Variants in CNTN3 observed in about 807,000 individuals in gnomAD.
CNTN3 encodes contactin-3.
A neutral mutation model predicts 119.1 loss-of-function variants in CNTN3; 60 were observed. The ratio of observed to expected loss-of-function variants is 0.50; its 90% CI spans 0.41 to 0.62. CNTN3 has a LOEUF of 0.62. Among genes scored for constraint, CNTN3 ranks in the 20% least tolerant of loss-of-function variants. CNTN3 has a pLI of 0.00. For synonymous variants in CNTN3, 450 were observed against 438.7 expected, an observed-to-expected ratio of 1.03 and a Z score of -0.32; for missense variants, 1,101 against 1,242.4, an observed-to-expected ratio of 0.89 and a Z score of 1.71.
chr3:74,468,915 T>C (rs983201311), intron 4 of CNTN3, among the ~76,000 whole-genome samples: 4 of 152,150 alleles, frequency 2.6e-5, no homozygotes, highest in African/African-American at 9.7e-5. Context: ...GTCATTTAGT[T>C]GTTAGTTTCA....
intron 5 of CNTN3, among the ~76,000 whole-genome samples, chr3:74,375,386 G>A (rs1326901417): frequency 6.6e-6 from 1 of 152,108 alleles, no homozygotes; most frequent in Non-Finnish European, 1.5e-5. Flanking sequence ...GAGAGTCTGG[G>A]CCTAATATTG....
At chr3:74,595,649 C>T (rs889986803) in intron 1 of CNTN3, among the ~76,000 whole-genome samples, 6 of 152,094 alleles carry the variant, frequency 3.9e-5, no homozygotes, top group Non-Finnish European at 7.4e-5. Flanking sequence ...ACCCTTCTTG[C>T]TAAAAACTCT....
chr3:74,519,788 T>C (rs1281131813), intron 2 of CNTN3, among the ~76,000 whole-genome samples: 1 of 151,734 alleles, frequency 6.6e-6, no homozygotes, highest in Non-Finnish European at 1.5e-5. Context: ...TCCTCAGTAC[T>C]TGATGAGTAG....
intron 1 of CNTN3, among the ~76,000 whole-genome samples, chr3:74,577,895 A>C (rs557741055): frequency 2.0e-5 from 3 of 152,126 alleles, no homozygotes; most frequent in Non-Finnish European, 4.4e-5. Flanking sequence ...CAAGCATTCC[A>C]TATGTATTTG....
At position 74,321,152 on chromosome 3, in the gene CNTN3, A is replaced by G. The variant is rs542288480; in HGVS notation, c.1668+13583T>C. 3.3e-5 allele frequency among the ~76,000 whole-genome samples: 5 copies of G among 152,288 alleles called. No individual in the cohort carries two copies. In the East Asian group the frequency reaches 7.7e-4, roughly 24 times the overall value. On this transcript the variant is annotated intron_variant, in intron 13 of 22. Transcript: ENST00000263665. Reference sequence around the variant, plus strand: ...TACAAGAGGGAGGAGGACTGGGGGCACAAGAATTGAAGACTATTGGGTACT... The same window carrying G: ...TACAAGAGGGAGGAGGACTGGGGGCGCAAGAATTGAAGACTATTGGGTACT...
At chr3:74,369,459 G>T in intron 7 of CNTN3, 86 bp from the exon 8 acceptor site, 1 of 1,091,024 alleles carries the variant, frequency 9.2e-7, no homozygotes, top group South Asian at 2.0e-5. Flanking sequence ...TGAACAAGAA[G>T]GCACAGGATT....
intron 10 of CNTN3, among the ~76,000 whole-genome samples, chr3:74,363,739 T>C (rs910517636): frequency 1.3e-5 from 2 of 152,112 alleles, no homozygotes; most frequent in African/African-American, 4.8e-5. Flanking sequence ...ATAGTGATGA[T>C]ATTTGAACAC....
At chr3:74,384,814 A>G (rs1248707132) in intron 5 of CNTN3, among the ~76,000 whole-genome samples, 1 of 152,176 alleles carries the variant, frequency 6.6e-6, no homozygotes, top group African/African-American at 2.4e-5. Context: ...CTGAGACCAT[A>G]TGCTGTATAG....
chr3:74,535,315 T>C (rs1180092021), intron 1 of CNTN3, among the ~76,000 whole-genome samples: 1 of 152,048 alleles, frequency 6.6e-6, no homozygotes, highest in African/African-American at 2.4e-5. Context: ...TAAATCTAAA[T>C]TGGGGCAAAC....
At chr3:74,339,437 C>A (rs1703477586) in intron 11 of CNTN3, among the ~76,000 whole-genome samples, 2 of 152,024 alleles carry the variant, frequency 1.3e-5, no homozygotes, top group Non-Finnish European at 2.9e-5. Context: ...AAAACTATTT[C>A]CTCTCTCTGG....
chr3:74,536,179 C>A (rs6419788), intron 1 of CNTN3, among the ~76,000 whole-genome samples: 150,606 of 152,124 alleles, frequency 0.99, 74,560 homozygotes, highest in Middle Eastern at 1. Context: ...ATGAGCTCCC[C>A]TGTAAGAACC....
At chr3:74,327,489 CT>C (rs779133507) in intron 13 of CNTN3, among the ~76,000 whole-genome samples, 2 of 152,068 alleles carry the variant, frequency 1.3e-5, no homozygotes, top group Non-Finnish European at 2.9e-5. Context: ...AGTTTTCTTA[CT>C]GTATTCATGT....
At chr3:74,549,463 T>G (rs1334329318) in intron 1 of CNTN3, among the ~76,000 whole-genome samples, 1 of 152,086 alleles carries the variant, frequency 6.6e-6, no homozygotes, top group African/African-American at 2.4e-5. Flanking sequence ...ATGAGCAACA[T>G]AGGGCAAGTA....
chr3:74,449,889 T>A (rs1446989441), intron 4 of CNTN3, among the ~76,000 whole-genome samples: 1 of 152,180 alleles, frequency 6.6e-6, no homozygotes. Flanking sequence ...AAAAGAAGTA[T>A]TTTAATGTTC....
intron 11 of CNTN3, among the ~76,000 whole-genome samples, chr3:74,357,657 T>C (rs560639164): frequency 6.6e-6 from 1 of 152,150 alleles, no homozygotes; most frequent in Admixed American, 6.5e-5. Flanking sequence ...ATGATACATA[T>C]ATAGAATATT....
At chr3:74,610,864 C>T (rs1705068884) in intron 1 of CNTN3, among the ~76,000 whole-genome samples, 1 of 152,014 alleles carries the variant, frequency 6.6e-6, no homozygotes, top group Non-Finnish European at 1.5e-5. Flanking sequence ...GTACTAGTTC[C>T]CCAAAATAAA....
intron 11 of CNTN3, among the ~76,000 whole-genome samples, chr3:74,352,525 C>T (rs1703840565): frequency 2.0e-5 from 3 of 152,256 alleles, no homozygotes; most frequent in South Asian, 2.1e-4. Flanking sequence ...TCACCTTAAT[C>T]GTATAGTCTA....
intron 1 of CNTN3, among the ~76,000 whole-genome samples, chr3:74,574,140 T>C (rs1350944138): frequency 2.6e-5 from 4 of 152,158 alleles, no homozygotes. Context: ...TATTGATACA[T>C]GCTATGACAT....
At position 74,340,126 on chromosome 3, in the gene CNTN3, A is replaced by G. The variant is rs189670988; in HGVS notation, c.1365-3468T>C. 4.6e-5 allele frequency among the ~76,000 whole-genome samples: 7 copies of G among 152,274 alleles called. No homozygotes were observed. In the East Asian group the frequency reaches 1.4e-3, roughly 29 times the overall value. On this transcript the variant is annotated intron_variant, in intron 11 of 22. Transcript: ENST00000263665. ...ACATATTAGTAGGTATTGTAAGTAG[A>G]GACTATTTAAAGTATATGGGAGGAT...
Sources: allele counts gnomAD v4.1 joint callset (sites outside exome capture counted in the v4.1 genomes callset), GRCh38; gene constraint gnomAD v4.1.1; transcripts MANE v1.5; gene names NCBI Gene and HGNC (gene_info 2026-07-23, HGNC 2026-07-21).